Variants in BCAS3 observed in about 807,000 individuals in gnomAD.
The protein encoded by BCAS3 is BCAS4/BCAS3 fusion.
A neutral mutation model predicts 116.1 loss-of-function variants in BCAS3; 53 were observed. That is an observed-to-expected ratio of 0.46 (90% confidence interval 0.37 to 0.57). The LOEUF (loss-of-function observed/expected upper bound fraction) is 0.57. Among genes scored for constraint, BCAS3 ranks in the 20% least tolerant of loss-of-function variants. The pLI is 0.00. For missense variants in BCAS3, 917 were observed against 1,165.4 expected, an observed-to-expected ratio of 0.79 and a Z score of 3.10; for synonymous variants, 391 against 408.2, an observed-to-expected ratio of 0.96 and a Z score of 0.51.
chr17:61,288,996 G>A (rs573950870), intron 22 of BCAS3, among the ~76,000 whole-genome samples: 3 of 152,318 alleles, frequency 2.0e-5, no homozygotes, highest in Admixed American at 1.3e-4. Flanking sequence ...GGGAAGGGCC[G>A]CGCAGGCCTA....
At chr17:60,888,608 G>A (rs1291402501) in intron 9 of BCAS3, among the ~76,000 whole-genome samples, 2 of 152,000 alleles carry the variant, frequency 1.3e-5, no homozygotes, top group South Asian at 2.1e-4. Context: ...ATAATTTTTA[G>A]TGTGTTTTTG....
chr17:61,193,165 G>T (rs1354607294), intron 22 of BCAS3, among the ~76,000 whole-genome samples: 1 of 152,122 alleles, frequency 6.6e-6, no homozygotes, highest in Non-Finnish European at 1.5e-5. Context: ...AGGAGGCTGA[G>T]GCAAGAGAAT....
chr17:60,958,308 C>T (rs113393471), intron 14 of BCAS3, among the ~76,000 whole-genome samples: 6 of 152,114 alleles, frequency 3.9e-5, no homozygotes, highest in African/African-American at 1.4e-4. Flanking sequence ...ATCTTTTATT[C>T]AAAAATGACA....
chr17:60,978,644 T>C (rs2062584798), intron 14 of BCAS3, among the ~76,000 whole-genome samples: 1 of 152,192 alleles, frequency 6.6e-6, no homozygotes, highest in Non-Finnish European at 1.5e-5. Context: ...AGGTCTAATG[T>C]TTAAGTCTTT....
intron 15 of BCAS3, among the ~76,000 whole-genome samples, chr17:60,997,596 A>G (rs1260700920): frequency 3.1e-4 from 47 of 152,192 alleles, no homozygotes; most frequent in Admixed American, 3.1e-3. Flanking sequence ...TTGAATGAAT[A>G]AAGCATATCT....
chr17:60,845,455 A>C (rs1381127207), intron 7 of BCAS3, among the ~76,000 whole-genome samples: 2 of 152,208 alleles, frequency 1.3e-5, no homozygotes, highest in African/African-American at 2.4e-5. Flanking sequence ...AACAGACCAC[A>C]AGGGATAAAT....
intron 5 of BCAS3, among the ~76,000 whole-genome samples, chr17:60,731,994 C>G (rs1235595047): frequency 1.3e-5 from 2 of 152,012 alleles, no homozygotes; most frequent in East Asian, 1.9e-4. Flanking sequence ...AGGCTGGTCT[C>G]AAACTCTTAA....
rs940157780 is a variant in BCAS3, at chr17:61,326,482, G to A, written c.2426-41845G>A. Among the ~76,000 whole-genome samples the A allele has an allele frequency of 2.6e-5, 4 of 152,196 alleles. No individual in the cohort carries two copies. The highest frequency in any genetic ancestry group is 9.7e-5 in the African/African-American group (4 of 41,442). ...AAAAGATCACTCTGACCTTACTGTG[G>A]AAGACAGGAGACTGTTAGAGAAGTC... On this transcript the variant is annotated intron_variant, in intron 22 of 23. Coordinates refer to ENST00000407086, the MANE Select transcript of BCAS3 (RefSeq NM_017679.5). This position sits in a 1 kb window ranked among gnomAD's most constrained non-coding sequence, Gnocchi z 5.3.
At chr17:61,061,635 C>T (rs1422279720) in intron 19 of BCAS3, among the ~76,000 whole-genome samples, 1 of 152,198 alleles carries the variant, frequency 6.6e-6, no homozygotes, top group Non-Finnish European at 1.5e-5. Context: ...CATATATGCT[C>T]TACTCATCCT....
At chr17:61,270,683 C>T (rs2050165089) in intron 22 of BCAS3, among the ~76,000 whole-genome samples, 1 of 152,162 alleles carries the variant, frequency 6.6e-6, no homozygotes, top group East Asian at 1.9e-4. Flanking sequence ...TGTAATGAAA[C>T]TTCTCCCCTA....
chr17:61,011,956 T>G (rs562192010), intron 15 of BCAS3, among the ~76,000 whole-genome samples: 4 of 152,046 alleles, frequency 2.6e-5, no homozygotes, highest in African/African-American at 9.7e-5. Context: ...TCTGATGTTA[T>G]TTATACATTT....
intron 22 of BCAS3, among the ~76,000 whole-genome samples, chr17:61,103,612 G>A (rs947725275): frequency 2.0e-5 from 3 of 152,150 alleles, no homozygotes; most frequent in Admixed American, 6.6e-5. Flanking sequence ...GGTTTGCAGA[G>A]GAACAGATCA....
rs552788089 is a variant in BCAS3 at position 61,073,421 on chromosome 17, G to A, written c.2030-1499G>A. ...TGTGTCTTTTAAAATCTTGCCCTAG[G>A]TTATGCTTTGTCTACTTTATTTGTA... On this transcript the variant is annotated intron_variant, in intron 19 of 23. Coordinates refer to ENST00000407086, the MANE Select transcript of BCAS3 (RefSeq NM_017679.5). This position sits in a 1 kb window ranked among gnomAD's most constrained non-coding sequence, Gnocchi z 4.6. 1.6e-4 allele frequency among the ~76,000 whole-genome samples: 25 copies of A among 152,208 alleles called. No individual in the cohort carries two copies. Among genetic ancestry groups the A allele is most frequent in the African/African-American group, 5.5e-4 (23 of 41,528 alleles).
intron 6 of BCAS3, among the ~76,000 whole-genome samples, chr17:60,797,441 C>T (rs2047313301): frequency 6.6e-6 from 1 of 151,786 alleles, no homozygotes; most frequent in Non-Finnish European, 1.5e-5. Context: ...CCTTGAGCTC[C>T]TGGGCCCAAG....
At chr17:61,317,135 A>G (rs907073613) in intron 22 of BCAS3, among the ~76,000 whole-genome samples, 9 of 152,328 alleles carry the variant, frequency 5.9e-5, no homozygotes, top group African/African-American at 2.2e-4. Flanking sequence ...CTTATATATT[A>G]TATCCATCAT....
At chr17:60,914,365 T>C (rs2058669369) in intron 12 of BCAS3, among the ~76,000 whole-genome samples, 3 of 152,176 alleles carry the variant, frequency 2.0e-5, no homozygotes, top group Admixed American at 1.3e-4. Context: ...GAATCTTACG[T>C]AGTGGTAAGA....
In BCAS3 at chr17:61,118,986, T is replaced by C. The variant is rs1014438405; in HGVS notation, c.2425+34422T>C. Among the ~76,000 whole-genome samples, 1 of 152,178 alleles carries C rather than the reference T, an allele frequency of 6.6e-6. No individual in the cohort carries two copies. The highest frequency in any genetic ancestry group is 6.5e-5 in the Admixed American group (1 of 15,268). On this transcript the variant is annotated intron_variant, in intron 22 of 23. Transcript: ENST00000407086. This position sits in a 1 kb window ranked among gnomAD's most constrained non-coding sequence, Gnocchi z 5.0. ...CTGTGTTTGTCAATTACTTTAATATTCTATATATTTTTAAATGGATGGTTG... is the reference window on the plus strand; with the variant it reads ...CTGTGTTTGTCAATTACTTTAATATCCTATATATTTTTAAATGGATGGTTG...
At chr17:61,360,135 C>T (rs1343624395) in intron 22 of BCAS3, among the ~76,000 whole-genome samples, 1 of 151,866 alleles carries the variant, frequency 6.6e-6, no homozygotes, top group Admixed American at 6.6e-5. Flanking sequence ...TCCCAAGTAG[C>T]TGGGACTACA....
At chr17:61,385,128 A>G (rs2059783344) in intron 23 of BCAS3, among the ~76,000 whole-genome samples, 1 of 152,190 alleles carries the variant, frequency 6.6e-6, no homozygotes, top group South Asian at 2.1e-4. Flanking sequence ...CTCACGGAAC[A>G]GGCCCCCGCC....
Sources: gnomAD v4.1 joint callset for allele counts (sites outside exome capture counted in the v4.1 genomes callset) on GRCh38, gnomAD v4.1.1 for gene constraint, Gnocchi (gnomAD v3.1) non-coding constraint, MANE v1.5 for transcripts, NCBI Gene and HGNC (gene_info 2026-07-23, HGNC 2026-07-21) for gene names.